Variants in TPR observed in about 807,000 individuals in gnomAD.
The protein encoded by TPR is nucleoprotein TPR.
A neutral mutation model predicts 316.1 loss-of-function variants in TPR; 51 were observed. That is an observed-to-expected ratio of 0.16 (90% CI 0.13 to 0.20). The LOEUF is 0.20. TPR is among the 10% of genes least tolerant of loss of function. TPR has a pLI of 1.00. For synonymous variants in TPR, 981 were observed against 914.7 expected (o/e 1.07, Z -1.31); for missense variants, 2,272 against 2,754.8 (o/e 0.82, Z 3.92).
At position 186,350,229 on chromosome 1, in the gene TPR, C is replaced by T; in HGVS notation, c.2770G>A (p.Gly924Ser). 1 of 1,604,544 alleles carries T rather than the reference C, an allele frequency of 6.2e-7. No homozygotes were observed. The highest frequency in any genetic ancestry group is 8.5e-7 in the Non-Finnish European group (1 of 1,177,034). Reference sequence around the variant, plus strand: ...GTCTACTTATTTTATTTACCTTTACCAGTTCTCTGTGAAGACTGAGAAGCA... The same window carrying T: ...GTCTACTTATTTTATTTACCTTTACTAGTTCTCTGTGAAGACTGAGAAGCA... ...QVASQSSQRT[G>S]KGQPSNKEDV... Residue 924 changes from glycine to serine, a missense_variant, in exon 21 of 51, where the codon GGT (glycine) becomes AGT (serine). By Grantham distance (56) the Gly-to-Ser change is moderately conservative. Coordinates refer to ENST00000367478, the MANE Select transcript of TPR (RefSeq NM_003292.3).
chr1:186,315,783 C>A (rs1657593722), intron 49 of TPR, among the ~76,000 whole-genome samples: 1 of 150,762 alleles, frequency 6.6e-6, no homozygotes, highest in South Asian at 2.1e-4. Context: ...TCACTGTGCT[C>A]CAGCCACAGT....
At chr1:186,335,654 C>T (rs1168941311) in intron 33 of TPR, 111 bp from the exon 34 acceptor site, 3 of 784,916 alleles carry the variant, frequency 3.8e-6, no homozygotes, top group South Asian at 2.1e-5. Flanking sequence ...ATAACATCTA[C>T]ATTAGTTATG....
chr1:186,366,314 T>G (rs1659341117), intron 4 of TPR, among the ~76,000 whole-genome samples: 1 of 152,228 alleles, frequency 6.6e-6, no homozygotes, highest in South Asian at 2.1e-4. Context: ...CACTTCCATT[T>G]AATGTACAGT....
chr1:186,355,173 G>T (rs1403668897), intron 17 of TPR, among the ~76,000 whole-genome samples: 1 of 152,118 alleles, frequency 6.6e-6, no homozygotes, highest in African/African-American at 2.4e-5. Context: ...CCAAAGTGCT[G>T]GGATTACAGG....
intron 32 of TPR, 22 bp from the exon 33 acceptor site, chr1:186,336,716 T>G: frequency 6.2e-7 from 1 of 1,602,336 alleles, no homozygotes; most frequent in Non-Finnish European, 8.5e-7. Flanking sequence ...AACAAAGTAT[T>G]CACCATGGAA....
rs761969630 is a variant in TPR at position 186,332,334 on chromosome 1, G to A, written c.5465C>T (p.Thr1822Ile). The A allele has an allele frequency of 1.9e-5, 30 of 1,611,586 alleles. No homozygotes were observed. Among genetic ancestry groups the A allele is most frequent in the Non-Finnish European group, 2.1e-5 (25 of 1,178,980 alleles). ...ACGCTTTGGCAAAGAAGAACTGGGG[G>A]TAGCCGAAACTTTGAAATTATATAA... ...STAVFGTVSATPSSSLPKRTR... is the reference protein window; with the variant it reads ...STAVFGTVSAIPSSSLPKRTR... Residue 1822 changes from threonine to isoleucine, a missense_variant, in exon 38 of 51, where the codon ACC (threonine) becomes ATC (isoleucine). Around this residue, in one of 10 missense-constraint regions of TPR, gnomAD observed 435 missense variants for 461.1 expected, o/e 0.94. Transcript: ENST00000367478.
intron 29 of TPR, 100 bp downstream of exon 29, chr1:186,340,928 T>A (rs902194174): frequency 4.9e-6 from 7 of 1,421,322 alleles, no homozygotes; most frequent in Non-Finnish European, 6.7e-6. Context: ...ATAAACACAG[T>A]AATTTTCACT....
At chr1:186,351,081 C>T (rs1446204956) in intron 20 of TPR, among the ~76,000 whole-genome samples, 2 of 152,098 alleles carry the variant, frequency 1.3e-5, no homozygotes, top group Admixed American at 1.3e-4. Flanking sequence ...TTTAAATTAA[C>T]TTTACTGCAT....
intron 29 of TPR, 36 bp downstream of exon 29, chr1:186,340,992 G>A (rs1658492944): frequency 1.3e-6 from 2 of 1,591,666 alleles, no homozygotes. Context: ...AAAAACACGT[G>A]TTTCCATGTT....
chr1:186,337,747 T>C (rs1430865087), intron 31 of TPR, among the ~76,000 whole-genome samples: 1 of 152,062 alleles, frequency 6.6e-6, no homozygotes, highest in Non-Finnish European at 1.5e-5. Flanking sequence ...AGATTAGTCA[T>C]CATTTTTTAA....
At chr1:186,338,008 T>C in intron 31 of TPR, 25 bp downstream of exon 31, 1 of 1,530,638 alleles carries the variant, frequency 6.5e-7, no homozygotes, top group Non-Finnish European at 8.7e-7. Flanking sequence ...AGTTTTTTTT[T>C]GTAAGATAAG....
At chr1:186,360,969 C>A in intron 9 of TPR, 64 bp from the exon 10 acceptor site, 3 of 1,522,616 alleles carry the variant, frequency 2.0e-6, no homozygotes, top group Non-Finnish European at 2.7e-6. Flanking sequence ...TTACAAAATG[C>A]AACAGATCAG....
At chr1:186,315,112 G>C (rs1657559674) in intron 49 of TPR, among the ~76,000 whole-genome samples, 1 of 151,594 alleles carries the variant, frequency 6.6e-6, no homozygotes, top group Admixed American at 6.6e-5. Flanking sequence ...TGAGGCTGCA[G>C]TGAGCCATGA....
chr1:186,367,060 CTTTTTTTTTTTT>C (rs71104854), intron 4 of TPR, among the ~76,000 whole-genome samples: 5 of 89,550 alleles, frequency 5.6e-5, no homozygotes, highest in Non-Finnish European at 8.7e-5. Flanking sequence ...CCCAAAACAC[CTTTTTTTTTTTT>C]TTTTTTTTTT....
At chr1:186,367,859 C>A (rs915220019) in intron 4 of TPR, 27 bp downstream of exon 4, 1 of 1,520,566 alleles carries the variant, frequency 6.6e-7, no homozygotes, top group Admixed American at 1.7e-5. Flanking sequence ...AGGAATGGAG[C>A]TAAAAGCTAC....
chr1:186,363,039 A>G, intron 5 of TPR, 38 bp from the exon 6 acceptor site: 2 of 1,553,258 alleles, frequency 1.3e-6, no homozygotes, highest in Non-Finnish European at 1.7e-6. Context: ...ACAGTTAAAG[A>G]TGATATATGA....
intron 43 of TPR, among the ~76,000 whole-genome samples, chr1:186,323,159 C>T (rs1010695770): frequency 1.3e-5 from 2 of 152,102 alleles, no homozygotes; most frequent in Non-Finnish European, 2.9e-5. Context: ...TTTTCCTACT[C>T]TTTTTCCAAG....
In TPR at chr1:186,355,626, G is replaced by C; in HGVS notation, c.2022+9C>G. On this transcript the variant is annotated intron_variant, in intron 16 of 50. Coordinates refer to ENST00000367478, the MANE Select transcript of TPR (RefSeq NM_003292.3). ...AAAACCTAACCCAGGACAAAGGTGTGATCTTTACCTGTTTAAGGGCAGCCT... is the reference window on the plus strand; with the variant it reads ...AAAACCTAACCCAGGACAAAGGTGTCATCTTTACCTGTTTAAGGGCAGCCT... 1 of 1,614,050 alleles carries C rather than the reference G, an allele frequency of 6.2e-7. No homozygotes were observed.
At chr1:186,327,163 AAC>A (rs1491474882) in intron 40 of TPR, among the ~76,000 whole-genome samples, 15 of 510 alleles carry the variant, frequency 0.029, 5 homozygotes, top group Non-Finnish European at 0.046. Flanking sequence ...ATAAATATAT[AAC>A]ATATATATTA....
Sources: gnomAD v4.1 joint callset for allele counts (sites outside exome capture counted in the v4.1 genomes callset) on GRCh38, gnomAD v4.1.1 for gene constraint, gnomAD v4.1.1 regional missense constraint, MANE v1.5 for transcripts, NCBI Gene and HGNC (gene_info 2026-07-23, HGNC 2026-07-21) for gene names.